The following GRAMD4 variants were observed in gnomAD, a reference collection of about 807,000 sequenced individuals.
The protein encoded by GRAMD4 is GRAM domain containing 4.
GRAMD4 carries 25 observed loss-of-function variants against 83.9 expected under a neutral mutation model. That is an observed-to-expected ratio of 0.30 (90% CI 0.22 to 0.42). The LOEUF (loss-of-function observed/expected upper bound fraction) is 0.42, where lower values mean the gene tolerates loss of function less well. Among genes scored for constraint, GRAMD4 ranks in the 10% least tolerant of loss-of-function variants. The pLI is 1.00. For missense variants in GRAMD4, 593 were observed against 788.7 expected (o/e 0.75, Z 2.97); for synonymous variants, 336 against 320.9 (o/e 1.05, Z -0.50).
intron 1 of GRAMD4, among the ~76,000 whole-genome samples, chr22:46,580,585 C>A (rs2081087760): frequency 6.6e-6 from 1 of 152,172 alleles, no homozygotes. Flanking sequence ...TGCTTGGAGC[C>A]CTTGGCTGCT....
At chr22:46,600,623 G>A (rs1024684651) in intron 1 of GRAMD4, among the ~76,000 whole-genome samples, 1 of 152,160 alleles carries the variant, frequency 6.6e-6, no homozygotes, top group African/African-American at 2.4e-5. Flanking sequence ...GGAGCAAGGC[G>A]GCAGGTGCGT....
intron 11 of GRAMD4, among the ~76,000 whole-genome samples, 164 bp from the exon 12 acceptor site, chr22:46,668,525 C>T (rs1343412758): frequency 6.6e-6 from 1 of 152,152 alleles, no homozygotes; most frequent in Non-Finnish European, 1.5e-5. Flanking sequence ...CCACCTCTGC[C>T]CTAGACCAGA....
At chr22:46,635,424 C>T (rs1184376389) in intron 2 of GRAMD4, among the ~76,000 whole-genome samples, 1 of 51,388 alleles carries the variant, frequency 1.9e-5, no homozygotes, top group African/African-American at 9.6e-5. Flanking sequence ...GTCTTCCCTG[C>T]CCCCGCCCCC....
intron 3 of GRAMD4, among the ~76,000 whole-genome samples, chr22:46,644,907 T>TTTA (rs1469595895): frequency 8.9e-6 from 1 of 112,116 alleles, no homozygotes; most frequent in East Asian, 2.4e-4. Context: ...CTTTTTTTTT[T>TTTA]TTTTTTTTTT....
At chr22:46,629,669 C>A (rs1034779984) in intron 2 of GRAMD4, among the ~76,000 whole-genome samples, 1 of 152,206 alleles carries the variant, frequency 6.6e-6, no homozygotes, top group African/African-American at 2.4e-5. Context: ...ACCGGGTATA[C>A]AGTATACAGT....
chr22:46,597,782 C>A (rs1163530658), intron 1 of GRAMD4, among the ~76,000 whole-genome samples: 1 of 152,230 alleles, frequency 6.6e-6, no homozygotes, highest in Non-Finnish European at 1.5e-5. Context: ...AGCTACCACG[C>A]CCGGCCTCTG....
chr22:46,650,712 A>G (rs921197589), intron 3 of GRAMD4, among the ~76,000 whole-genome samples: 1 of 152,064 alleles, frequency 6.6e-6, no homozygotes, highest in East Asian at 1.9e-4. Flanking sequence ...TCTATGTGCC[A>G]TGTGTCGCCA....
At chr22:46,666,944 C>A in intron 10 of GRAMD4, 71 bp downstream of exon 10, 1 of 1,134,470 alleles carries the variant, frequency 8.8e-7, no homozygotes, top group Non-Finnish European at 1.3e-6. Context: ...CCTGTAGGCA[C>A]CGCTCGGGGA....
At position 46,620,391 on chromosome 22, in the gene GRAMD4, G is replaced by A; in HGVS notation, c.-224G>A. On this transcript the variant is annotated 5_prime_UTR_variant, in exon 1 of 19. Transcript: ENST00000406902. This position sits in a 1 kb window ranked among gnomAD's most constrained non-coding sequence, Gnocchi z 4.7. ...CCCTGCTGCCCTGCTCTGGTGCACAGGACTGGAGTCCTCCAGGCTCCAGGG... is the reference window on the plus strand; with the variant it reads ...CCCTGCTGCCCTGCTCTGGTGCACAAGACTGGAGTCCTCCAGGCTCCAGGG... 1 of 985,388 alleles carries A rather than the reference G, an allele frequency of 1.0e-6. No individual in the cohort carries two copies. The highest frequency in any genetic ancestry group is 1.7e-5 in the African/African-American group (1 of 57,304). The allele number at this position is 985,388 out of a possible 1,614,324, so 61.0% of individuals were successfully genotyped here. A position where few individuals can be genotyped will look rare whatever the true frequency, so the allele number is the denominator to read the frequency against.
rs1314134865 is a variant in GRAMD4, at chr22:46,673,808, C to T, written c.1378C>T (p.Leu460=). ...CAATCTGACAGAAAACGAGCGTCCG[C>T]TGGCGGGTATGTGTGCCGTGAGTCT... ...IFNLTENERP[L]AVCENGWRCC... Residue 460 remains leucine, a synonymous_variant, in exon 15 of 19, where the codon CTG becomes TTG. Transcript: ENST00000406902. 5 of 1,612,800 alleles carry T rather than the reference C, an allele frequency of 3.1e-6. No individual in the cohort carries two copies. In the African/African-American group the frequency reaches 6.7e-5, roughly 22 times the overall value.
At chr22:46,580,147 T>C (rs192083290) in intron 1 of GRAMD4, among the ~76,000 whole-genome samples, 5 of 152,232 alleles carry the variant, frequency 3.3e-5, no homozygotes, top group Admixed American at 2.6e-4. Context: ...CCGACAGAAA[T>C]TGACAGTGAA....
chr22:46,651,907 G>A (rs2082172004), intron 3 of GRAMD4, among the ~76,000 whole-genome samples: 1 of 152,172 alleles, frequency 6.6e-6, no homozygotes, highest in South Asian at 2.1e-4. Context: ...TAGGGCTCCT[G>A]GACCCACTAA....
intron 3 of GRAMD4, among the ~76,000 whole-genome samples, chr22:46,647,850 G>A (rs2082093220): frequency 6.6e-6 from 1 of 152,252 alleles, no homozygotes; most frequent in African/African-American, 2.4e-5. Context: ...TGGCAGAGAT[G>A]GGCTCTCTCG....
downstream of GRAMD4, among the ~76,000 whole-genome samples, chr22:46,681,272 G>C (rs577928800): frequency 1.7e-4 from 26 of 151,836 alleles, no homozygotes; most frequent in African/African-American, 6.0e-4. Context: ...GCTCAAAAAG[G>C]CCAACCTTGT....
At chr22:46,669,726 C>T (rs2082472689) in intron 13 of GRAMD4, among the ~76,000 whole-genome samples, 1 of 152,038 alleles carries the variant, frequency 6.6e-6, no homozygotes, top group Admixed American at 6.5e-5. Flanking sequence ...CAGGCACCCG[C>T]CACCACGCCC....
At position 46,659,135 on chromosome 22, in the gene GRAMD4, G is replaced by A. The variant is rs893549306; in HGVS notation, c.404+828G>A. ...CAGGCCACTCACCTCTGGCTCCCAG[G>A]CCTCCCGCTCAGCCTCCACTCCAGC... On this transcript the variant is annotated intron_variant, in intron 4 of 18. Transcript: ENST00000406902. This position sits in a 1 kb window ranked among gnomAD's most constrained non-coding sequence, Gnocchi z 4.1. 3.9e-5 allele frequency among the ~76,000 whole-genome samples: 6 copies of A among 152,038 alleles called. No homozygotes were observed. Among genetic ancestry groups the A allele is most frequent in the Admixed American group, 3.9e-4 (6 of 15,276 alleles).
intron 1 of GRAMD4, among the ~76,000 whole-genome samples, chr22:46,584,850 A>G (rs1405408408): frequency 6.6e-6 from 1 of 152,230 alleles, no homozygotes; most frequent in Non-Finnish European, 1.5e-5. Context: ...GGGCTGACTT[A>G]GAACGCATCC....
chr22:46,668,250 AGGTCTCCGCC>A (rs1272327517), intron 11 of GRAMD4, 83 bp downstream of exon 11: 1 of 955,806 alleles, frequency 1.0e-6, no homozygotes, highest in Non-Finnish European at 1.6e-6. Flanking sequence ...GGCCAGGGGT[AGGTCTCCGCC>A]GGCCTCCGCT....
chr22:46,674,093 C>T lies in GRAMD4; in HGVS notation c.1384+279C>T, dbSNP rs573212487. On this transcript the variant is annotated intron_variant, in intron 15 of 18. Coordinates refer to ENST00000406902, the MANE Select transcript of GRAMD4 (RefSeq NM_015124.5). The stretch of plus-strand genomic sequence containing the variant: ...CAGGCAACACACTGGGGAGAGAGTC[C>T]AGGGCGAGGCCTCAGGGCCTGCAGG... Among the ~76,000 whole-genome samples, 23 of 152,346 alleles carry T rather than the reference C, an allele frequency of 1.5e-4. No homozygotes were observed. The East Asian group carries it at 4.2e-3, about 28-fold the overall frequency.
Sources: gnomAD v4.1 joint callset for allele counts (sites outside exome capture counted in the v4.1 genomes callset) on GRCh38, gnomAD v4.1.1 for gene constraint, Gnocchi (gnomAD v3.1) non-coding constraint, MANE v1.5 for transcripts, NCBI Gene and HGNC (gene_info 2026-07-23, HGNC 2026-07-21) for gene names.